Variants in NEDD4L observed in about 807,000 individuals in gnomAD.
NEDD4L encodes E3 ubiquitin-protein ligase NEDD4-like.
NEDD4L carries 54 observed loss-of-function variants against 148.9 expected under a neutral mutation model. The observed-to-expected ratio is 0.36, with a 90% confidence interval of 0.29 to 0.45. NEDD4L has a LOEUF of 0.45. Ranked by LOEUF, NEDD4L falls within the 20% of genes least tolerant of loss-of-function variation. NEDD4L has a pLI of 1.00. For missense variants in NEDD4L, 856 were observed against 1,233.8 expected, an observed-to-expected ratio of 0.69 and a Z score of 4.59; for synonymous variants, 433 against 440.7, an observed-to-expected ratio of 0.98 and a Z score of 0.22.
chr18:58,349,877 G>A (rs1382283744), intron 17 of NEDD4L, among the ~76,000 whole-genome samples: 6 of 152,214 alleles, frequency 3.9e-5, no homozygotes, highest in African/African-American at 7.2e-5. Context: ...TTCAAGAGAC[G>A]TTCTCTGCAG....
rs564664233 is a variant in NEDD4L at position 58,272,697 on chromosome 18, G to A, written c.297+20643G>A. Among the ~76,000 whole-genome samples the A allele has an allele frequency of 7.9e-5, 12 of 152,146 alleles. No individual in the cohort carries two copies. In the South Asian group the frequency reaches 2.5e-3, roughly 32 times the overall value. The stretch of plus-strand genomic sequence containing the variant: ...AGAATAAATTAAGTCCAGAAAGTTT[G>A]GTGATTCACTTGCTGTTGCCGCCTT... On this transcript the variant is annotated intron_variant, in intron 5 of 30. Coordinates refer to ENST00000400345, the MANE Select transcript of NEDD4L (RefSeq NM_001144967.3).
chr18:58,076,136 C>T (rs996110776), intron 1 of NEDD4L, among the ~76,000 whole-genome samples: 22 of 152,106 alleles, frequency 1.4e-4, no homozygotes, highest in Non-Finnish European at 1.5e-4. Flanking sequence ...GAAAATGTTG[C>T]TGTTTGCTTT....
chr18:58,300,747 A>G (rs752513117), intron 5 of NEDD4L, among the ~76,000 whole-genome samples: 40 of 152,308 alleles, frequency 2.6e-4, no homozygotes, highest in Non-Finnish European at 5.6e-4. Context: ...GTTAGGTGCA[A>G]GGGGTTCCAG....
chr18:58,131,702 G>A (rs1278333129), intron 1 of NEDD4L, among the ~76,000 whole-genome samples: 1 of 152,042 alleles, frequency 6.6e-6, no homozygotes, highest in African/African-American at 2.4e-5. Flanking sequence ...TGGAACTGTG[G>A]CAGTGTTGGG....
intron 1 of NEDD4L, among the ~76,000 whole-genome samples, chr18:58,157,449 C>T (rs368723491): frequency 1.1e-4 from 17 of 152,170 alleles, no homozygotes; most frequent in East Asian, 1.9e-4. Flanking sequence ...TATGCATTTA[C>T]GTAAGCAAAT....
chr18:58,114,722 G>A (rs1012567976), intron 1 of NEDD4L, among the ~76,000 whole-genome samples: 6 of 152,180 alleles, frequency 3.9e-5, no homozygotes, highest in African/African-American at 1.2e-4. Flanking sequence ...TCAAGGTGTC[G>A]CCAGGGCTGT....
intron 5 of NEDD4L, among the ~76,000 whole-genome samples, chr18:58,287,474 C>G (rs957566100): frequency 1.3e-5 from 2 of 152,166 alleles, no homozygotes; most frequent in African/African-American, 4.8e-5. Context: ...CAGCCTCCCT[C>G]AGGATCATGA....
chr18:58,167,060 C>G (rs555143901), intron 2 of NEDD4L, among the ~76,000 whole-genome samples: 4 of 152,330 alleles, frequency 2.6e-5, no homozygotes, highest in African/African-American at 9.6e-5. Context: ...AAAATTGTTG[C>G]AAATGTCAGT....
At chr18:58,322,268 A>T (rs2149479813) in intron 6 of NEDD4L, among the ~76,000 whole-genome samples, 157 bp from the exon 7 acceptor site, 1 of 152,354 alleles carries the variant, frequency 6.6e-6, no homozygotes, top group East Asian at 1.9e-4. Flanking sequence ...TCTCTAGTAG[A>T]TCAGTTCCGT....
intron 1 of NEDD4L, among the ~76,000 whole-genome samples, chr18:58,163,752 A>G (rs2036510264): frequency 6.6e-6 from 1 of 152,126 alleles, no homozygotes; most frequent in Non-Finnish European, 1.5e-5. Flanking sequence ...GGTTGGATGG[A>G]CGGTTGGGTG....
chr18:58,240,962 A>T (rs999690242), intron 2 of NEDD4L, among the ~76,000 whole-genome samples: 1 of 152,036 alleles, frequency 6.6e-6, no homozygotes, highest in African/African-American at 2.4e-5. Flanking sequence ...GATGCACACC[A>T]CCACACCCAG....
At chr18:58,292,702 A>G (rs1383105386) in intron 5 of NEDD4L, among the ~76,000 whole-genome samples, 1 of 152,218 alleles carries the variant, frequency 6.6e-6, no homozygotes, top group Non-Finnish European at 1.5e-5. Flanking sequence ...ATGTTCTAGT[A>G]TAATGCTTTA....
chr18:58,382,484 T>C (rs2048466794), intron 24 of NEDD4L, among the ~76,000 whole-genome samples: 1 of 152,238 alleles, frequency 6.6e-6, no homozygotes, highest in Non-Finnish European at 1.5e-5. Context: ...GTAGGTGCTA[T>C]ATTTTTCCAC....
Position 58,143,764 on chromosome 18 carries a change from G to A in NEDD4L, c.49-22024G>A, listed in dbSNP as rs564220107. On this transcript the variant is annotated intron_variant, in intron 1 of 30. Coordinates refer to ENST00000400345, the MANE Select transcript of NEDD4L (RefSeq NM_001144967.3). ...CCCTGTGAAGAAGACACAGCGGCCG[G>A]TGGTGTGACAGCCCACAGCTGTCGA... 2.0e-5 allele frequency among the ~76,000 whole-genome samples: 3 copies of A among 152,326 alleles called. No individual in the cohort carries two copies. The East Asian group carries it at 5.8e-4, about 29-fold the overall frequency.
rs368243667 is a variant in NEDD4L at position 58,066,387 on chromosome 18, G to GTTTTTTTTT, written c.48+21694_48+21702dup. ...GTAAATTTAGATCCACTCTGTATTA[G>GTTTTTTTTT]TTTTTTTTTTTTTTTTTTTTTTTAA... On this transcript the variant is annotated intron_variant, in intron 1 of 30. Coordinates refer to ENST00000400345, the MANE Select transcript of NEDD4L (RefSeq NM_001144967.3). 1.1e-4 allele frequency among the ~76,000 whole-genome samples: 12 copies of GTTTTTTTTT among 112,126 alleles called. 1 individual carries two copies. Among genetic ancestry groups the GTTTTTTTTT allele is most frequent in the Admixed American group, 1.2e-4 (1 of 8,542 alleles). 73.6% of individuals were successfully genotyped at this position (112,126 alleles called of 152,430 possible).
intron 5 of NEDD4L, among the ~76,000 whole-genome samples, chr18:58,279,524 C>T (rs41537144): frequency 0.019 from 2,887 of 152,230 alleles, 82 homozygotes; most frequent in African/African-American, 0.055. Flanking sequence ...GTTAGAAATT[C>T]GGTACACGAT....
At chr18:58,130,402 G>A (rs1271457667) in intron 1 of NEDD4L, among the ~76,000 whole-genome samples, 2 of 149,828 alleles carry the variant, frequency 1.3e-5, no homozygotes, top group African/African-American at 4.9e-5. Context: ...GTTGGGGTTT[G>A]GTTGACTGTG....
intron 1 of NEDD4L, among the ~76,000 whole-genome samples, chr18:58,156,771 C>T (rs995959644): frequency 2.6e-5 from 4 of 152,166 alleles, no homozygotes; most frequent in African/African-American, 9.7e-5. Context: ...ATGCTCGCTC[C>T]TTGGGTGAGA....
intron 5 of NEDD4L, among the ~76,000 whole-genome samples, chr18:58,269,912 C>G (rs1568529492): frequency 1.3e-5 from 2 of 152,132 alleles, no homozygotes; most frequent in South Asian, 4.1e-4. Flanking sequence ...TGTAAAATAC[C>G]TATGCATTAA....
Sources: gnomAD v4.1 joint callset for allele counts (sites outside exome capture counted in the v4.1 genomes callset) on GRCh38, gnomAD v4.1.1 for gene constraint, MANE v1.5 for transcripts, NCBI Gene and HGNC (gene_info 2026-07-23, HGNC 2026-07-21) for gene names.